Variants in DNAH6 observed in about 807,000 individuals in gnomAD.
The protein encoded by DNAH6 is axonemal beta dynein heavy chain 6.
Under a neutral mutation model 491.4 loss-of-function variants are expected in DNAH6, and 340 were observed. That is an observed-to-expected ratio of 0.69 (90% CI 0.63 to 0.76). The LOEUF (loss-of-function observed/expected upper bound fraction) is 0.76. DNAH6 is among the 30% of genes least tolerant of loss of function. The pLI is 0.00. For missense variants in DNAH6, 4,443 were observed against 4,972.2 expected (o/e 0.89, Z 3.20); for synonymous variants, 1,603 against 1,686.1 (o/e 0.95, Z 1.21).
chr2:84,478,272 A>G, the DNAH6 span, among the ~76,000 whole-genome samples: 2 of 152,266 alleles, frequency 1.3e-5, no homozygotes, highest in Non-Finnish European at 2.9e-5. Flanking sequence ...CAAGAGAGAC[A>G]GAATCACACA....
At position 84,624,322 on chromosome 2, in the gene DNAH6, A is replaced by C. The variant is rs1042689059; in HGVS notation, c.4129A>C (p.Ile1377Leu). The change falls in exon 27 of 77, where the codon ATC (isoleucine) becomes CTC (leucine). Residue 1377 changes from isoleucine (I) to leucine (L), a missense_variant. Ile to Leu is a conservative substitution (Grantham distance 5). Around this residue, in one of 3 missense-constraint regions of DNAH6, gnomAD observed 2,977 missense variants for 3,296.6 expected, o/e 0.90. Transcript: ENST00000389394. The part of the protein sequence containing the change: ...QGSLPKLHRN[I>L]LTALITIDVH... Reference sequence around the variant, plus strand: ...CAGTCTTCCTAAATTACACAGAAACATCCTAACTGCATTGATTACTATTGA... The same window carrying C: ...CAGTCTTCCTAAATTACACAGAAACCTCCTAACTGCATTGATTACTATTGA... 2 of 1,551,312 alleles carry C rather than the reference A, an allele frequency of 1.3e-6. No homozygotes were observed. The highest frequency in any genetic ancestry group is 8.7e-7 in the Non-Finnish European group (1 of 1,146,774).
At position 84,781,639 on chromosome 2, in the gene DNAH6, C is replaced by T. The variant is rs1220367645; in HGVS notation, c.10850C>T (p.Thr3617Ile). Reference protein sequence around the residue: ...WMLAMEELIKTFTDPDSAIKD... With the variant: ...WMLAMEELIKIFTDPDSAIKD... ...TTGGCAATGGAAGAGCTCATTAAAA[C>T]CTTCACAGATCCAGGTATGTTGAGC... Residue 3617 changes from threonine (T) to isoleucine (I), a missense_variant, in exon 65 of 77, where the codon ACC becomes ATC. Coordinates refer to ENST00000389394, the MANE Select transcript of DNAH6 (RefSeq NM_001370.2). 5.2e-6 allele frequency: 8 copies of T among 1,551,544 alleles called. No individual in the cohort carries two copies. The highest frequency in any genetic ancestry group is 7.0e-6 in the Non-Finnish European group (8 of 1,146,782).
rs1680440038 is a variant in DNAH6 at position 84,815,911 on chromosome 2, T to C, written c.12201T>C (p.Ala4067=). The C allele has an allele frequency of 6.4e-7, 1 of 1,551,858 alleles. No homozygotes were observed. Among genetic ancestry groups the C allele is most frequent in the Non-Finnish European group, 8.7e-7 (1 of 1,147,054 alleles). The change falls in exon 76 of 77, where the codon GCT becomes GCC. Residue 4067 remains alanine, a synonymous_variant. Coordinates refer to ENST00000389394, the MANE Select transcript of DNAH6 (RefSeq NM_001370.2). ...TTGTTCATGGGATGTTCATGGATGC[T>C]TCTCGATGGGATGATAAGGAGATGG... ...GVLVHGMFMD[A]SRWDDKEMVI...
chr2:84,624,818 A>T, intron 28 of DNAH6, 84 bp from the exon 29 acceptor site: 1 of 1,367,108 alleles, frequency 7.3e-7, no homozygotes, highest in Non-Finnish European at 9.8e-7. Flanking sequence ...AGAAAATAAT[A>T]ATCCTTCCCC....
rs1191765225 is a variant in DNAH6, at chr2:84,744,782, C to T, written c.10343-298C>T. On this transcript the variant is annotated intron_variant, in intron 62 of 76. Coordinates refer to ENST00000389394, the MANE Select transcript of DNAH6 (RefSeq NM_001370.2). ...CTAGTTAATATTACCCTTATCACTT[C>T]AATCTTCTTTTTGCTCACATTTGCT... 2.0e-5 allele frequency among the ~76,000 whole-genome samples: 3 copies of T among 152,106 alleles called. No individual in the cohort carries two copies. The East Asian group carries it at 5.8e-4, about 29-fold the overall frequency.
chr2:84,560,556 C>A (rs1159167965), intron 11 of DNAH6, among the ~76,000 whole-genome samples: 2 of 151,206 alleles, frequency 1.3e-5, no homozygotes, highest in Non-Finnish European at 2.9e-5. Flanking sequence ...TGTGCTGCAC[C>A]CATTAACTCG....
intron 63 of DNAH6, among the ~76,000 whole-genome samples, chr2:84,760,597 A>G (rs558369339): frequency 6.6e-6 from 1 of 152,302 alleles, no homozygotes; most frequent in East Asian, 1.9e-4. Context: ...AACTAAAACC[A>G]CAATGAGATA....
At chr2:84,472,661 C>G in the DNAH6 span, among the ~76,000 whole-genome samples, 2 of 152,142 alleles carry the variant, frequency 1.3e-5, no homozygotes, top group Admixed American at 6.5e-5. Flanking sequence ...TAGATCATAT[C>G]TTTTCCTAAG....
intron 10 of DNAH6, among the ~76,000 whole-genome samples, chr2:84,557,133 C>A (rs989263990): frequency 6.6e-6 from 1 of 152,128 alleles, no homozygotes. Flanking sequence ...CCATAGACTT[C>A]CTTGGCTTTC....
chr2:84,794,088 A>G (rs1328769062), intron 68 of DNAH6, among the ~76,000 whole-genome samples: 2 of 152,296 alleles, frequency 1.3e-5, no homozygotes, highest in South Asian at 2.1e-4. Context: ...AGGATTCCCT[A>G]TTTAATAAAT....
chr2:84,722,923 A>C (rs1698300067), intron 60 of DNAH6, 119 bp downstream of exon 60: 1 of 662,476 alleles, frequency 1.5e-6, no homozygotes, highest in Non-Finnish European at 2.4e-6. Flanking sequence ...TCCCAGGTGC[A>C]TGCAAGGTTC....
intron 22 of DNAH6, among the ~76,000 whole-genome samples, chr2:84,613,499 A>G (rs1433759907): frequency 6.6e-6 from 1 of 152,132 alleles, no homozygotes; most frequent in African/African-American, 2.4e-5. Context: ...AGGTGGGGAC[A>G]CCAGCTGCTA....
intron 24 of DNAH6, 133 bp downstream of exon 24, chr2:84,620,037 A>G: frequency 1.4e-6 from 1 of 738,684 alleles, no homozygotes; most frequent in Non-Finnish European, 2.2e-6. Flanking sequence ...TCTTGCCCTC[A>G]AAGAGCTCAA....
intron 76 of DNAH6, among the ~76,000 whole-genome samples, chr2:84,816,800 G>A (rs552556463): frequency 6.6e-6 from 1 of 152,214 alleles, no homozygotes; most frequent in Admixed American, 6.5e-5. Context: ...CTGAGATACA[G>A]CCCTGAAAAA....
At chr2:84,605,407 T>A in intron 19 of DNAH6, 93 bp from the exon 20 acceptor site, 5 of 854,448 alleles carry the variant, frequency 5.9e-6, no homozygotes, top group Admixed American at 2.5e-5. Flanking sequence ...AATGGGATAA[T>A]TATGGAGTTT....
At chr2:84,528,872 A>ATTTTT in intron 3 of DNAH6, 32 bp from the exon 4 acceptor site, 11 of 1,328,866 alleles carry the variant, frequency 8.3e-6, no homozygotes, top group Admixed American at 2.7e-5. Context: ...GCAAAGACTC[A>ATTTTT]TTTTTTTTTT....
intron 4 of DNAH6, among the ~76,000 whole-genome samples, chr2:84,531,117 G>A (rs535216869): frequency 2.8e-4 from 42 of 152,276 alleles, no homozygotes; most frequent in Non-Finnish European, 4.1e-4. Flanking sequence ...AACTCAAAGC[G>A]AGGAGGGGGC....
chr2:84,626,765 C>A (rs2104429419), intron 29 of DNAH6, among the ~76,000 whole-genome samples: 1 of 152,286 alleles, frequency 6.6e-6, no homozygotes, highest in East Asian at 1.9e-4. Context: ...CCACACCCGG[C>A]TAATTTTTGT....
At chr2:84,719,008 C>G (rs1373067351) in intron 59 of DNAH6, among the ~76,000 whole-genome samples, 2 of 152,188 alleles carry the variant, frequency 1.3e-5, no homozygotes, top group Non-Finnish European at 2.9e-5. Flanking sequence ...CAGATTCAAA[C>G]TATCATTTAA....
Sources: allele counts gnomAD v4.1 joint callset (sites outside exome capture counted in the v4.1 genomes callset), GRCh38; gene constraint gnomAD v4.1.1; regional missense constraint gnomAD v4.1.1; transcripts MANE v1.5; gene names NCBI Gene and HGNC (gene_info 2026-07-23, HGNC 2026-07-21).